Variants in MED15 observed in about 807,000 individuals in gnomAD.
The protein encoded by MED15 is mediator complex subunit 15, also known as mediator of RNA polymerase II transcription subunit 15.
MED15 carries 41 observed loss-of-function variants against 118.7 expected under a neutral mutation model. The observed-to-expected ratio is 0.35, with a 90% CI of 0.27 to 0.45. MED15 has a LOEUF of 0.45. Among genes scored for constraint, MED15 ranks in the 20% least tolerant of loss-of-function variants. The pLI, the probability that MED15 is intolerant of heterozygous loss-of-function variation, is 1.00. For synonymous variants in MED15, 436 were observed against 413.9 expected (o/e 1.05, Z -0.65); for missense variants, 740 against 1,025.5 (o/e 0.72, Z 3.80).
At chr22:20,561,928 C>T (rs901701512) in intron 5 of MED15, among the ~76,000 whole-genome samples, 1 of 152,138 alleles carries the variant, frequency 6.6e-6, no homozygotes, top group African/African-American at 2.4e-5. Flanking sequence ...GAGGTCAAGG[C>T]TGCAGTGAGC....
intron 8 of MED15, among the ~76,000 whole-genome samples, chr22:20,570,738 C>CTTTTT (rs2056622196): frequency 1.1e-5 from 1 of 90,984 alleles, no homozygotes; most frequent in Non-Finnish European, 2.1e-5. Flanking sequence ...TTCTTTCTTT[C>CTTTTT]TTTCTTTCTT....
At chr22:20,528,477 A>T (rs142722411) in intron 1 of MED15, among the ~76,000 whole-genome samples, 2 of 152,158 alleles carry the variant, frequency 1.3e-5, no homozygotes, top group Non-Finnish European at 2.9e-5. Context: ...TCGTGCTCCT[A>T]TGAGAATCTG....
rs950946309 is a variant in MED15, at chr22:20,508,387, T to C, written c.68+641T>C. 6 of 1,304,086 alleles carry C rather than the reference T, an allele frequency of 4.6e-6. No homozygotes were observed. The African/African-American group carries it at 9.1e-5, about 20-fold the overall frequency. 80.8% of individuals were successfully genotyped at this position (1,304,086 alleles called of 1,614,324 possible). On this transcript the variant is annotated intron_variant, in intron 1 of 17. Transcript: ENST00000263205. The stretch of plus-strand genomic sequence containing the variant: ...AGCCCCTCACCACCGACTGCTTGTT[T>C]CTGTTAGCAGTTTTTTTCATGCGCG...
intron 2 of MED15, among the ~76,000 whole-genome samples, chr22:20,541,667 T>C (rs527806724): frequency 2.1e-4 from 32 of 151,296 alleles, no homozygotes; most frequent in Non-Finnish European, 3.1e-4. Flanking sequence ...TTTTTTTTTT[T>C]TGAGATGGAG....
chr22:20,525,523 C>T (rs919908868), intron 1 of MED15, among the ~76,000 whole-genome samples: 6 of 146,674 alleles, frequency 4.1e-5, no homozygotes, highest in Non-Finnish European at 9.0e-5. Context: ...CCAAACATGA[C>T]CTTTCTCTTT....
intron 1 of MED15, chr22:20,523,674 T>G: frequency 1.0e-6 from 1 of 985,350 alleles, no homozygotes; most frequent in Non-Finnish European, 1.2e-6. Flanking sequence ...TGGGACACTT[T>G]CAGGCGAGAC....
rs978480588 is a variant in MED15, at chr22:20,568,552, C to A, written c.1073C>A (p.Pro358Gln). 1 of 1,613,716 alleles carries A rather than the reference C, an allele frequency of 6.2e-7. No homozygotes were observed. Among genetic ancestry groups the A allele is most frequent in the African/African-American group, 1.3e-5 (1 of 74,904 alleles). ...GCTCCGATGGTGGTGCAGCAGCCCC[C>A]AGTGCAGCCCCAGGTGCAGCAGCAG... ...VRAPMVVQQP[P>Q]VQPQVQQQQT... Residue 358 changes from proline to glutamine, a missense_variant, in exon 8 of 18, where the codon CCA becomes CAA. By Grantham distance (76) the Pro-to-Gln change is moderately conservative (BLOSUM62 -1). Around this residue, in one of 7 missense-constraint regions of MED15, gnomAD observed 384 missense variants for 506.3 expected, o/e 0.76. Coordinates refer to ENST00000263205, the MANE Select transcript of MED15 (RefSeq NM_001003891.3).
intron 2 of MED15, among the ~76,000 whole-genome samples, chr22:20,549,971 A>G (rs547181915): frequency 6.6e-6 from 1 of 152,352 alleles, no homozygotes; most frequent in East Asian, 1.9e-4. Context: ...GTTGCTTTTG[A>G]AACCTACTTC....
At chr22:20,527,779 G>A in intron 1 of MED15, among the ~76,000 whole-genome samples, 1 of 151,896 alleles carries the variant, frequency 6.6e-6, no homozygotes, top group East Asian at 1.9e-4. Context: ...TCAATATGGT[G>A]AAACCCCATC....
chr22:20,556,478 T>G (rs532868011), intron 5 of MED15, among the ~76,000 whole-genome samples: 2 of 152,220 alleles, frequency 1.3e-5, no homozygotes, highest in East Asian at 3.9e-4. Flanking sequence ...TTTTATATTT[T>G]TAGTGGAGAT....
chr22:20,557,519 A>G (rs1017275621), intron 5 of MED15, among the ~76,000 whole-genome samples: 2 of 152,162 alleles, frequency 1.3e-5, no homozygotes, highest in Admixed American at 1.3e-4. Context: ...GAGGACCCAC[A>G]GAAGTGCCGG....
Position 20,564,582 on chromosome 22 carries a change from C to T in MED15, c.584C>T (p.Ala195Val). Residue 195 changes from alanine to valine, a missense_variant, in exon 6 of 18, where the codon GCC becomes GTC. Physicochemically the swap from Ala to Val is moderately conservative, Grantham distance 64 (BLOSUM62 0). Transcript: ENST00000263205. ...QQQQFQAQQSAMQQQFQAVVQ... is the reference protein window; with the variant it reads ...QQQQFQAQQSVMQQQFQAVVQ... ...CAGCAGTTCCAGGCTCAGCAGAGTG[C>T]CATGCAGCAGCAGTTCCAAGCAGTA... The T allele has an allele frequency of 6.2e-7, 1 of 1,607,126 alleles. No homozygotes were observed. The highest frequency in any genetic ancestry group is 8.5e-7 in the Non-Finnish European group (1 of 1,175,320).
Position 20,533,896 on chromosome 22 carries a change from T to C in MED15, c.69-3221T>C, listed in dbSNP as rs111845241. 1.9e-4 allele frequency among the ~76,000 whole-genome samples: 29 copies of C among 152,332 alleles called. 1 individual carries two copies. The highest frequency in any genetic ancestry group is 7.0e-4 in the African/African-American group (29 of 41,582). ...TCCCACCACCTCAGAGCTATTGCAC[T>C]AAGCTGTGTTTCTAGATCTTGTCTC... On this transcript the variant is annotated intron_variant, in intron 1 of 17. Coordinates refer to ENST00000263205, the MANE Select transcript of MED15 (RefSeq NM_001003891.3).
chr22:20,586,234 G>T (rs539041530), intron 17 of MED15, among the ~76,000 whole-genome samples: 2 of 152,340 alleles, frequency 1.3e-5, no homozygotes, highest in East Asian at 3.9e-4. Context: ...TCTGGGTGCT[G>T]TGGCTCCAGA....
intron 2 of MED15, among the ~76,000 whole-genome samples, chr22:20,541,387 C>T (rs1360456290): frequency 6.6e-6 from 1 of 152,186 alleles, no homozygotes; most frequent in Non-Finnish European, 1.5e-5. Flanking sequence ...TAGGGGATTG[C>T]AAATAAAAAC....
chr22:20,563,989 G>A (rs904483972), intron 5 of MED15, among the ~76,000 whole-genome samples: 2 of 152,306 alleles, frequency 1.3e-5, no homozygotes, highest in Middle Eastern at 3.4e-3. Context: ...ACAGGAAATC[G>A]GTGTAGTAGA....
intron 3 of MED15, 196 bp from the exon 4 acceptor site, chr22:20,552,949 G>A: frequency 1.8e-6 from 1 of 571,306 alleles, no homozygotes; most frequent in Admixed American, 3.3e-5. Context: ...GAGCTACTCT[G>A]CACCCTCTGC....
intron 6 of MED15, among the ~76,000 whole-genome samples, chr22:20,565,137 TAAAAA>T (rs2056390429): frequency 6.6e-6 from 1 of 151,786 alleles, no homozygotes; most frequent in African/African-American, 2.4e-5. Context: ...AAAATAAAAA[TAAAAA>T]AGGAAAACAA....
Position 20,583,189 on chromosome 22 carries a change from G to A in MED15, c.1614G>A (p.Gln538=). The A allele has an allele frequency of 1.9e-6, 3 of 1,611,712 alleles. No homozygotes were observed. The highest frequency in any genetic ancestry group is 2.5e-6 in the Non-Finnish European group (3 of 1,179,262). Residue 538 remains glutamine (Q), a synonymous_variant, in exon 12 of 18, where the codon CAG becomes CAA. Coordinates refer to ENST00000263205, the MANE Select transcript of MED15 (RefSeq NM_001003891.3). ...AGCAGTACCTGGACAAGCTGAAGCAGCTGTCGAAGTACATCGAGCCCCTGC... is the reference window on the plus strand; with the variant it reads ...AGCAGTACCTGGACAAGCTGAAGCAACTGTCGAAGTACATCGAGCCCCTGC... ...EEQQYLDKLK[Q]LSKYIEPLRR...
Sources: allele counts gnomAD v4.1 joint callset (sites outside exome capture counted in the v4.1 genomes callset), GRCh38; gene constraint gnomAD v4.1.1; regional missense constraint gnomAD v4.1.1; transcripts MANE v1.5; gene names NCBI Gene and HGNC (gene_info 2026-07-23, HGNC 2026-07-21).